Variants in FEZ2 observed in about 807,000 individuals in gnomAD.
The protein encoded by FEZ2 is fasciculation and elongation protein zeta 2.
In FEZ2, 51 loss-of-function variants were observed where a neutral mutation model predicts 40.4. The ratio of observed to expected loss-of-function variants is 1.26; its 90% confidence interval spans 1.01 to 1.59. The LOEUF is 1.59. Among genes scored for constraint, FEZ2 ranks in the 40% most tolerant of loss-of-function variants. The probability of loss-of-function intolerance (pLI) is 0.00; values close to 1 mark genes in which losing one functional copy is unlikely to be tolerated. For missense variants in FEZ2, 640 were observed against 438.3 expected, an observed-to-expected ratio of 1.46 and a Z score of -4.11; for synonymous variants, 242 against 172.0, an observed-to-expected ratio of 1.41 and a Z score of -3.18.
intron 5 of FEZ2, among the ~76,000 whole-genome samples, chr2:36,562,979 A>G (rs947688700): frequency 2.0e-5 from 3 of 152,234 alleles, no homozygotes; most frequent in Non-Finnish European, 2.9e-5. Flanking sequence ...GAATCCACCT[A>G]TCAGGAAACT....
chr2:36,556,121 A>C, intron 6 of FEZ2: 1 of 450,956 alleles, frequency 2.2e-6, no homozygotes. Context: ...CTGTGCAGCA[A>C]GAAAACCTCA....
At chr2:36,586,116 G>A (rs1458245906) in intron 2 of FEZ2, among the ~76,000 whole-genome samples, 5 of 152,060 alleles carry the variant, frequency 3.3e-5, no homozygotes, top group Non-Finnish European at 5.9e-5. Flanking sequence ...CTTGATGAGA[G>A]GGGATGTATG....
chr2:36,577,585 C>T (rs890504318), intron 5 of FEZ2, among the ~76,000 whole-genome samples: 1 of 152,126 alleles, frequency 6.6e-6, no homozygotes, highest in African/African-American at 2.4e-5. Context: ...TACAAATGAA[C>T]ATTACACTGA....
chr2:36,565,220 G>C (rs529948396), intron 5 of FEZ2, among the ~76,000 whole-genome samples: 4 of 152,024 alleles, frequency 2.6e-5, no homozygotes, highest in Non-Finnish European at 5.9e-5. Flanking sequence ...ACATGAAATC[G>C]CTGCAACAGC....
intron 3 of FEZ2, among the ~76,000 whole-genome samples, chr2:36,582,971 G>A (rs1668796176): frequency 6.6e-6 from 1 of 152,148 alleles, no homozygotes; most frequent in African/African-American, 2.4e-5. Flanking sequence ...ACATGCTAAT[G>A]CTTTTTACCC....
chr2:36,558,615 C>G lies in FEZ2; in HGVS notation c.904-102G>C, dbSNP rs926250260. On this transcript the variant is annotated intron_variant, in intron 5 of 7. Coordinates refer to ENST00000405912, the MANE Select transcript of FEZ2 (RefSeq NM_005102.3). Reference sequence around the variant, plus strand: ...AAGGTCTATCTGATAATATAAAACACAAGCTACTTTGGTAATGAAAACACA... The same window carrying G: ...AAGGTCTATCTGATAATATAAAACAGAAGCTACTTTGGTAATGAAAACACA... The G allele has an allele frequency of 8.9e-6, 5 of 560,514 alleles. No individual in the cohort carries two copies. In the Admixed American group the frequency reaches 1.1e-4, roughly 12 times the overall value. 34.7% of individuals were successfully genotyped at this position (560,514 alleles called of 1,614,324 possible). A position where few individuals can be genotyped will look rare whatever the true frequency, so the allele number is the denominator to read the frequency against.
chr2:36,556,547 G>T (rs953948272), intron 6 of FEZ2: 2 of 152,196 alleles, frequency 1.3e-5, no homozygotes, highest in East Asian at 1.9e-4. Flanking sequence ...GCAAAATAGT[G>T]TAACTGTCAA....
chr2:36,588,500 A>C (rs1668973039), intron 2 of FEZ2, among the ~76,000 whole-genome samples: 3 of 152,194 alleles, frequency 2.0e-5, no homozygotes, highest in African/African-American at 7.2e-5. Context: ...GTCCCTCGGT[A>C]TCCAAGGGAA....
chr2:36,583,522 G>C (rs1340428864), intron 2 of FEZ2, 53 bp from the exon 3 acceptor site: 10 of 915,818 alleles, frequency 1.1e-5, no homozygotes, highest in Non-Finnish European at 1.8e-5. Context: ...TCAAAACAAA[G>C]TTAACAGCTC....
chr2:36,558,588 A>G, intron 5 of FEZ2, 75 bp from the exon 6 acceptor site: 7 of 770,674 alleles, frequency 9.1e-6, no homozygotes, highest in Non-Finnish European at 1.4e-5. Flanking sequence ...TACTGTTACT[A>G]GAAGGTCTAT....
At chr2:36,593,674 G>A (rs141893629) in intron 1 of FEZ2, among the ~76,000 whole-genome samples, 495 of 152,138 alleles carry the variant, frequency 3.3e-3, no homozygotes, top group African/African-American at 0.011. Context: ...CCCAGCTCAC[G>A]AAACCACTTG....
At chr2:36,588,956 A>G (rs1162845505) in intron 2 of FEZ2, among the ~76,000 whole-genome samples, 1 of 152,194 alleles carries the variant, frequency 6.6e-6, no homozygotes. Flanking sequence ...ATTTTTTAAT[A>G]TGTCAAAAAA....
intron 5 of FEZ2, among the ~76,000 whole-genome samples, chr2:36,559,985 C>T (rs182326001): frequency 6.6e-6 from 1 of 152,230 alleles, no homozygotes; most frequent in Non-Finnish European, 1.5e-5. Context: ...GGCATTTGAT[C>T]TAGGCGTTCT....
rs575666658 is a variant in FEZ2, at chr2:36,562,770, A to G, written c.904-4257T>C. 7.2e-5 allele frequency among the ~76,000 whole-genome samples: 11 copies of G among 152,356 alleles called. No homozygotes were observed. In the South Asian group the frequency reaches 2.1e-3, roughly 29 times the overall value. On this transcript the variant is annotated intron_variant, in intron 5 of 7. Transcript: ENST00000405912. ...TTAGGCTTCAGAGTATATAATAACA[A>G]TTATGAGAAACTATTCTCAAATAAC...
rs116319754 is a variant in FEZ2, at chr2:36,559,411, G to A, written c.904-898C>T. Reference sequence around the variant, plus strand: ...TTAGCTCCACCCATTATTTAACCTCGTGCCCTAAATCTCAGCTCTGTGGCT... The same window carrying A: ...TTAGCTCCACCCATTATTTAACCTCATGCCCTAAATCTCAGCTCTGTGGCT... On this transcript the variant is annotated intron_variant, in intron 5 of 7. Transcript: ENST00000405912. 8.4e-3 allele frequency among the ~76,000 whole-genome samples: 1,280 copies of A among 152,178 alleles called. 16 individuals are homozygous for A. Among genetic ancestry groups the A allele is most frequent in the African/African-American group, 0.027 (1,116 of 41,508 alleles).
chr2:36,566,327 G>A (rs897519346), intron 5 of FEZ2, among the ~76,000 whole-genome samples: 3 of 139,366 alleles, frequency 2.2e-5, no homozygotes, highest in Admixed American at 7.3e-5. Flanking sequence ...ACGACAGAGC[G>A]AGACTCCGTC....
At chr2:36,554,603 G>GA (rs1462462729) in intron 7 of FEZ2, among the ~76,000 whole-genome samples, 3 of 151,994 alleles carry the variant, frequency 2.0e-5, no homozygotes, top group South Asian at 2.1e-4. Context: ...TCCTCCATCA[G>GA]AAAAAAAGCT....
chr2:36,593,575 C>G (rs558868126), intron 1 of FEZ2, among the ~76,000 whole-genome samples: 2 of 152,232 alleles, frequency 1.3e-5, no homozygotes, highest in African/African-American at 4.8e-5. Context: ...ACAGCCTGAG[C>G]TGTACTCTCG....
chr2:36,584,787 A>C (rs993056772), intron 2 of FEZ2, among the ~76,000 whole-genome samples: 4 of 152,230 alleles, frequency 2.6e-5, no homozygotes, highest in Admixed American at 2.0e-4. Context: ...CTAGTTCTTC[A>C]TAACATGAGC....
Sources: gnomAD v4.1 joint callset for allele counts (sites outside exome capture counted in the v4.1 genomes callset) on GRCh38, gnomAD v4.1.1 for gene constraint, MANE v1.5 for transcripts, NCBI Gene and HGNC (gene_info 2026-07-23, HGNC 2026-07-21) for gene names.